The following THSD4 variants were observed in gnomAD, a reference collection of about 807,000 sequenced individuals.
THSD4 encodes the protein thrombospondin type-1 domain-containing protein 4.
Under a neutral mutation model 119.0 loss-of-function variants are expected in THSD4, and 69 were observed. The observed-to-expected ratio is 0.58, with a 90% CI of 0.48 to 0.71. THSD4 has a LOEUF of 0.71. Ranked by LOEUF, THSD4 falls within the 30% of genes least tolerant of loss-of-function variation. The pLI is 0.00. For synonymous variants in THSD4, 524 were observed against 540.4 expected, an observed-to-expected ratio of 0.97 and a Z score of 0.42; for missense variants, 1,393 against 1,391.1, an observed-to-expected ratio of 1.00 and a Z score of -0.02.
intron 6 of THSD4, among the ~76,000 whole-genome samples, chr15:71,347,188 C>G (rs1036368021): frequency 1.3e-5 from 2 of 152,088 alleles, no homozygotes; most frequent in East Asian, 3.9e-4. Context: ...CTCATTTTCT[C>G]TCTTTCTGCA....
At chr15:71,265,875 G>A (rs867167116) in intron 6 of THSD4, among the ~76,000 whole-genome samples, 1 of 152,166 alleles carries the variant, frequency 6.6e-6, no homozygotes, top group Non-Finnish European at 1.5e-5. Flanking sequence ...ACCGCAGCTC[G>A]GGAAAGTCAC....
chr15:71,743,050 G>C (rs1294390440), intron 11 of THSD4, among the ~76,000 whole-genome samples: 1 of 79,802 alleles, frequency 1.3e-5, no homozygotes, highest in Non-Finnish European at 2.8e-5. Context: ...GCTAAACTCT[G>C]TCTCAAAAAA....
chr15:71,645,888 A>G (rs944805398), intron 7 of THSD4, among the ~76,000 whole-genome samples: 2 of 152,224 alleles, frequency 1.3e-5, no homozygotes, highest in African/African-American at 4.8e-5. Context: ...AAATACCAGG[A>G]CAAAGCAAGT....
At chr15:71,117,214 T>C (rs946425176) in intron 1 of THSD4, among the ~76,000 whole-genome samples, 1 of 152,182 alleles carries the variant, frequency 6.6e-6, no homozygotes, top group African/African-American at 2.4e-5. Flanking sequence ...GGCACCAGCT[T>C]GGCATTACCT....
In THSD4 at chr15:71,154,889, G is replaced by C; in HGVS notation, c.56G>C (p.Gly19Ala). 1 of 1,614,120 alleles carries C rather than the reference G, an allele frequency of 6.2e-7. No individual in the cohort carries two copies. Among genetic ancestry groups the C allele is most frequent in the African/African-American group, 1.3e-5 (1 of 75,040 alleles). ...GTCCTGTGTTTCCTTCTGCTGCTTG[G>C]ATTCCAGTTCGTCTGCCCACAGCCC... is the stretch of plus-strand genomic sequence containing the variant. ...LSVLCFLLLL[G>A]FQFVCPQPST... Residue 19 changes from glycine to alanine, a missense_variant, in exon 3 of 18, where the codon GGA (glycine) becomes GCA (alanine). Physicochemically the swap from Gly to Ala is moderately conservative, Grantham distance 60. Transcript: ENST00000261862.
intron 8 of THSD4, among the ~76,000 whole-genome samples, chr15:71,683,319 G>C (rs568234201): frequency 6.6e-6 from 1 of 152,102 alleles, no homozygotes; most frequent in Non-Finnish European, 1.5e-5. Flanking sequence ...AAAATCCTAT[G>C]GGTGTTTGCA....
At chr15:71,264,797 C>T (rs1054881996) in intron 6 of THSD4, among the ~76,000 whole-genome samples, 1 of 152,100 alleles carries the variant, frequency 6.6e-6, no homozygotes, top group Non-Finnish European at 1.5e-5. Context: ...ATAGGAGAGG[C>T]ACCAAGGCAT....
At position 71,561,913 on chromosome 15, in the gene THSD4, CACACACAA is replaced by C. The variant is rs1254190570; in HGVS notation, c.1153-98612_1153-98605del. On this transcript the variant is annotated intron_variant, in intron 7 of 17. Transcript: ENST00000261862. ...ACACACACACACACACACACACACACACACACAAACACTCACTCACTCTCTCTCTTCTC... is the reference window on the plus strand; with the variant it reads ...ACACACACACACACACACACACACACACACTCACTCACTCTCTCTCTTCTC... Among the ~76,000 whole-genome samples the C allele has an allele frequency of 3.5e-3, 129 of 36,942 alleles. 1 individual carries two copies. The highest frequency in any genetic ancestry group is 0.017 in the African/African-American group (119 of 6,828). 24.2% of individuals were successfully genotyped at this position (36,942 alleles called of 152,430 possible).
intron 7 of THSD4, among the ~76,000 whole-genome samples, chr15:71,449,559 T>C (rs62015860): frequency 0.31 from 47,022 of 152,000 alleles, 7,668 homozygotes; most frequent in Middle Eastern, 0.41. Flanking sequence ...CAGTGCCTGC[T>C]ACTCTGTAAG....
chr15:71,164,990 G>A (rs1484790021), intron 3 of THSD4: 2 of 1,590,972 alleles, frequency 1.3e-6, no homozygotes, highest in East Asian at 4.5e-5. Flanking sequence ...CTTTTCATAA[G>A]GCTGCTTGTC....
chr15:71,635,503 A>T (rs537773681), intron 7 of THSD4, among the ~76,000 whole-genome samples: 9 of 152,328 alleles, frequency 5.9e-5, no homozygotes, highest in Admixed American at 5.2e-4. Context: ...AAGTGGACCA[A>T]TTTACAGTAG....
chr15:71,685,113 G>A (rs564000219), intron 8 of THSD4, among the ~76,000 whole-genome samples: 4 of 151,428 alleles, frequency 2.6e-5, no homozygotes, highest in African/African-American at 9.7e-5. Flanking sequence ...AAAATGTCTT[G>A]GAGACCAGCT....
intron 6 of THSD4, among the ~76,000 whole-genome samples, chr15:71,350,190 A>G (rs1369546755): frequency 2.0e-5 from 3 of 151,650 alleles, no homozygotes; most frequent in Non-Finnish European, 4.4e-5. Context: ...ACAAGGTGGG[A>G]TATATTAATG....
chr15:71,655,523 T>C (rs996921318), intron 7 of THSD4, among the ~76,000 whole-genome samples: 9 of 152,262 alleles, frequency 5.9e-5, no homozygotes, highest in African/African-American at 2.2e-4. Context: ...AAGACAAAGA[T>C]GACAAAACCC....
intron 7 of THSD4, among the ~76,000 whole-genome samples, chr15:71,571,955 G>C (rs2049367071): frequency 6.6e-6 from 1 of 152,184 alleles, no homozygotes; most frequent in Non-Finnish European, 1.5e-5. Context: ...TCTTAGAAGA[G>C]TGGGGTTTTT....
intron 7 of THSD4, among the ~76,000 whole-genome samples, chr15:71,602,674 C>G (rs1039690634): frequency 2.0e-5 from 3 of 151,810 alleles, no homozygotes; most frequent in Non-Finnish European, 4.4e-5. Context: ...CTCCTGCAAG[C>G]CTGTACAGGC....
intron 4 of THSD4, among the ~76,000 whole-genome samples, chr15:71,219,457 A>C (rs1182450330): frequency 6.6e-6 from 1 of 152,222 alleles, no homozygotes; most frequent in Non-Finnish European, 1.5e-5. Context: ...TGTTAAAAAG[A>C]GAGTTGCCAA....
intron 3 of THSD4, among the ~76,000 whole-genome samples, chr15:71,176,123 A>G (rs1256116118): frequency 1.4e-5 from 2 of 148,050 alleles, no homozygotes; most frequent in African/African-American, 2.5e-5. Context: ...ACAGGATCAA[A>G]TTCACACATA....
chr15:71,697,702 T>C (rs1352981070), intron 8 of THSD4, among the ~76,000 whole-genome samples: 1 of 152,256 alleles, frequency 6.6e-6, no homozygotes, highest in Non-Finnish European at 1.5e-5. Context: ...TTGGTAACAC[T>C]GATTAACATT....
Sources: allele counts gnomAD v4.1 joint callset (sites outside exome capture counted in the v4.1 genomes callset), GRCh38; gene constraint gnomAD v4.1.1; transcripts MANE v1.5; gene names NCBI Gene and HGNC (gene_info 2026-07-23, HGNC 2026-07-21).